PIGN: variants seen among roughly 807,000 people sequenced by gnomAD.
The protein encoded by PIGN is phosphatidylinositol glycan anchor biosynthesis class N.
PIGN carries 117 observed loss-of-function variants against 125.4 expected under a neutral mutation model. The observed-to-expected ratio is 0.93, with a 90% CI of 0.80 to 1.09. The LOEUF (loss-of-function observed/expected upper bound fraction) is 1.09, where lower values mean the gene tolerates loss of function less well. Ranked by LOEUF, PIGN falls within the 50% of genes least tolerant of loss-of-function variation. The pLI, the probability that PIGN is intolerant of heterozygous loss-of-function variation, is 0.00. For synonymous variants in PIGN, 392 were observed against 377.8 expected (o/e 1.04, Z -0.44); for missense variants, 1,075 against 1,094.9 (o/e 0.98, Z 0.26).
chr18:62,129,345 C>G (rs545317713), intron 14 of PIGN, among the ~76,000 whole-genome samples: 61 of 152,304 alleles, frequency 4.0e-4, no homozygotes, highest in African/African-American at 1.4e-3. Context: ...CCCACTGCAG[C>G]CCATAGCAAT....
At chr18:62,019,594 G>A (rs117771593) in intron 23 of PIGN, among the ~76,000 whole-genome samples, 397 of 152,282 alleles carry the variant, frequency 2.6e-3, no homozygotes, top group Non-Finnish European at 3.9e-3. Flanking sequence ...TAGTGGGGAG[G>A]CAAAAGGTGG....
chr18:62,102,310 C>G (rs2034477177), intron 21 of PIGN, among the ~76,000 whole-genome samples: 1 of 144,450 alleles, frequency 6.9e-6, no homozygotes, highest in Non-Finnish European at 1.5e-5. Context: ...TGCAGCGTAA[C>G]TGGGAACTGA....
At chr18:62,109,802 G>GA in intron 17 of PIGN, 32 bp downstream of exon 17, 1 of 1,577,030 alleles carries the variant, frequency 6.3e-7, no homozygotes, top group South Asian at 1.2e-5. Flanking sequence ...TCAATGAAGT[G>GA]AAAAAACAAG....
rs2144985709 is a variant in PIGN, at chr18:62,045,953, G to C, written c.2699C>G (p.Ser900Cys). 22 of 1,612,792 alleles carry C rather than the reference G, an allele frequency of 1.4e-5. No individual in the cohort carries two copies. The highest frequency in any genetic ancestry group is 1.8e-5 in the Non-Finnish European group (21 of 1,179,098). Reference protein sequence around the residue: ...TSISHYVIVMSMTIFLVFLNG... With the variant: ...TSISHYVIVMCMTIFLVFLNG... ...GAGGAACACCAAAAAGATGGTCATGGACATGACAATCACATAGTGGCTGAT... is the reference window on the plus strand; with the variant it reads ...GAGGAACACCAAAAAGATGGTCATGCACATGACAATCACATAGTGGCTGAT... Residue 900 changes from serine to cysteine, a missense_variant, in exon 31 of 31, where the codon TCC becomes TGC. Ser to Cys is a moderately radical substitution (Grantham distance 112). This residue lies in a region of PIGN where 915 missense variants were observed against 908.7 expected (regional missense o/e 1.01). Transcript: ENST00000640252.
chr18:62,053,032 TG>T (rs2031442879), intron 30 of PIGN: 1 of 342,526 alleles, frequency 2.9e-6, no homozygotes, highest in African/African-American at 2.1e-5. Flanking sequence ...AGTAAAAATC[TG>T]GGTAAAGACA....
intron 23 of PIGN, among the ~76,000 whole-genome samples, chr18:62,092,855 C>T (rs2034025042): frequency 6.6e-6 from 1 of 152,116 alleles, no homozygotes; most frequent in African/African-American, 2.4e-5. Flanking sequence ...TTCAGTTCAA[C>T]ATCATTGATG....
At position 62,161,405 on chromosome 18, in the gene PIGN, T is replaced by G; in HGVS notation, c.-32-20A>C. ...GAACAGCTGAAAGAGAGAACAAAAT[T>G]AAATTGGGGTAAATCTTAATGCATT... On this transcript the variant is annotated intron_variant, in intron 3 of 30. Coordinates refer to ENST00000640252, the MANE Select transcript of PIGN (RefSeq NM_176787.5). The G allele has an allele frequency of 2.6e-6, 3 of 1,155,696 alleles. No homozygotes were observed. Among genetic ancestry groups the G allele is most frequent in the Non-Finnish European group, 3.8e-6 (3 of 789,538 alleles). 71.6% of individuals were successfully genotyped at this position (1,155,696 alleles called of 1,614,324 possible). A position where few individuals can be genotyped will look rare whatever the true frequency, so the allele number is the denominator to read the frequency against.
chr18:62,022,430 A>G (rs940233684), intron 23 of PIGN, among the ~76,000 whole-genome samples: 3 of 152,224 alleles, frequency 2.0e-5, no homozygotes, highest in Non-Finnish European at 4.4e-5. Context: ...AGCCACACCT[A>G]TAATTAAAGA....
chr18:62,146,820 T>C (rs1036804311), intron 9 of PIGN, 151 bp downstream of exon 9: 33 of 687,304 alleles, frequency 4.8e-5, no homozygotes, highest in Non-Finnish European at 6.3e-5. Context: ...AGATCAGTTG[T>C]TTTTTAGGCT....
At chr18:62,112,953 T>C in intron 16 of PIGN, 181 bp downstream of exon 16, 1 of 542,794 alleles carries the variant, frequency 1.8e-6, no homozygotes, top group Non-Finnish European at 3.2e-6. Context: ...TATCAATATA[T>C]CTTTTTCTCA....
At chr18:62,057,432 C>G (rs1198986912) in intron 30 of PIGN, among the ~76,000 whole-genome samples, 1 of 152,078 alleles carries the variant, frequency 6.6e-6, no homozygotes, top group Non-Finnish European at 1.5e-5. Flanking sequence ...ATCAACAAAT[C>G]CTATCAACCT....
At chr18:62,169,118 G>A (rs1349917159) in intron 1 of PIGN, among the ~76,000 whole-genome samples, 1 of 152,100 alleles carries the variant, frequency 6.6e-6, no homozygotes, top group Non-Finnish European at 1.5e-5. Context: ...GGCCTCCCAA[G>A]TGCTGGAATT....
intron 2 of PIGN, among the ~76,000 whole-genome samples, chr18:62,163,082 T>C (rs766715262): frequency 2.1e-4 from 32 of 152,302 alleles, no homozygotes; most frequent in Non-Finnish European, 3.7e-4. Flanking sequence ...GTAATCTTTT[T>C]AGTGCATCAG....
intron 23 of PIGN, among the ~76,000 whole-genome samples, chr18:62,024,998 C>A (rs2030099130): frequency 6.6e-6 from 1 of 152,062 alleles, no homozygotes; most frequent in African/African-American, 2.4e-5. Context: ...AGGAGAAACC[C>A]TAGCAGAGGA....
rs2147313473 is a variant in PIGN, at chr18:62,148,323, C to T, written c.565G>A (p.Ala189Thr). 2.0e-6 allele frequency: 3 copies of T among 1,516,608 alleles called. No homozygotes were observed. In the Admixed American group the frequency reaches 6.4e-5, roughly 32 times the overall value. 93.9% of individuals were successfully genotyped at this position (1,516,608 alleles called of 1,614,324 possible). A position where few individuals can be genotyped will look rare whatever the true frequency, so the allele number is the denominator to read the frequency against. ...GAAAACAAAGACTGGTTGTTTCTGG[C>T]ATGATGAAAGAAGTCCTACATATAA... ...FDNVKDFFHH[A>T]RNNQSLFSKI... Residue 189 changes from alanine (A) to threonine (T), a missense_variant, in exon 8 of 31, where the codon GCC (alanine) becomes ACC (threonine). By Grantham distance (58) the Ala-to-Thr change is moderately conservative. Around this residue, in one of 3 missense-constraint regions of PIGN, gnomAD observed 915 missense variants for 908.7 expected, o/e 1.01. Coordinates refer to ENST00000640252, the MANE Select transcript of PIGN (RefSeq NM_176787.5).
At chr18:62,027,505 G>C (rs2030138335) in intron 23 of PIGN, among the ~76,000 whole-genome samples, 1 of 152,184 alleles carries the variant, frequency 6.6e-6, no homozygotes, top group African/African-American at 2.4e-5. Flanking sequence ...ACAACGCGAA[G>C]CAAAAGCGGG....
chr18:62,183,607 G>A (rs1455719485), intron 1 of PIGN, among the ~76,000 whole-genome samples: 1 of 152,100 alleles, frequency 6.6e-6, no homozygotes, highest in African/African-American at 2.4e-5. Flanking sequence ...CTTTGTCTAC[G>A]ACTATTTGAA....
chr18:62,111,610 T>C (rs914853449), intron 16 of PIGN, among the ~76,000 whole-genome samples: 2 of 152,222 alleles, frequency 1.3e-5, no homozygotes, highest in Non-Finnish European at 2.9e-5. Flanking sequence ...CTTTATTAAA[T>C]TCTAAGCTTC....
intron 23 of PIGN, among the ~76,000 whole-genome samples, chr18:62,093,491 C>G (rs949451986): frequency 2.6e-5 from 4 of 152,016 alleles, no homozygotes; most frequent in Middle Eastern, 3.4e-3. Flanking sequence ...TTGAATAGGG[C>G]AGACAAGGCA....
Sources: gnomAD v4.1 joint callset for allele counts (sites outside exome capture counted in the v4.1 genomes callset) on GRCh38, gnomAD v4.1.1 for gene constraint, gnomAD v4.1.1 regional missense constraint, MANE v1.5 for transcripts, NCBI Gene and HGNC (gene_info 2026-07-23, HGNC 2026-07-21) for gene names.